The following ZBTB20 variants were observed in gnomAD, a reference collection of about 807,000 sequenced individuals.
ZBTB20 encodes the protein zinc finger and BTB domain containing 20.
Under a neutral mutation model 56.9 loss-of-function variants are expected in ZBTB20, and 9 were observed. The observed-to-expected ratio is 0.16, with a 90% CI of 0.10 to 0.28. The LOEUF (loss-of-function observed/expected upper bound fraction) is 0.28, where lower values mean the gene tolerates loss of function less well. Among genes scored for constraint, ZBTB20 ranks in the 10% least tolerant of loss-of-function variants. ZBTB20 has a pLI of 1.00. For missense variants in ZBTB20, 655 were observed against 1,003.0 expected (o/e 0.65, Z 4.69); for synonymous variants, 417 against 420.7 (o/e 0.99, Z 0.11).
chr3:115,011,383 TAA>T (rs893015595), intron 2 of ZBTB20, among the ~76,000 whole-genome samples: 2 of 151,596 alleles, frequency 1.3e-5, no homozygotes, highest in Non-Finnish European at 2.9e-5. Flanking sequence ...AGATCAAGGA[TAA>T]AAAAGGATCC....
At chr3:114,462,288 G>A (rs533217247) in intron 7 of ZBTB20, among the ~76,000 whole-genome samples, 156 of 152,284 alleles carry the variant, frequency 1.0e-3, no homozygotes, top group African/African-American at 3.7e-3. Flanking sequence ...AATAAAGGCT[G>A]GAAGTCTGTA....
intron 7 of ZBTB20, among the ~76,000 whole-genome samples, chr3:114,495,885 T>C (rs540976759): frequency 1.9e-4 from 29 of 152,346 alleles, no homozygotes; most frequent in African/African-American, 6.7e-4. Context: ...CTTTATAAAA[T>C]AGGCAAAGCC....
chr3:114,741,703 T>C (rs1237293227), intron 5 of ZBTB20, among the ~76,000 whole-genome samples: 2 of 148,892 alleles, frequency 1.3e-5, no homozygotes, highest in East Asian at 4.0e-4. Context: ...GGAAACCCCG[T>C]CTCTACTGAA....
chr3:114,990,726 G>A (rs1297606885), intron 2 of ZBTB20, among the ~76,000 whole-genome samples: 4 of 152,010 alleles, frequency 2.6e-5, no homozygotes, highest in Admixed American at 6.6e-5. Flanking sequence ...CTGTGGATCC[G>A]TCTGGTCCTG....
intron 1 of ZBTB20, among the ~76,000 whole-genome samples, chr3:115,105,603 C>T (rs2083697600): frequency 6.6e-6 from 1 of 152,086 alleles, no homozygotes; most frequent in African/African-American, 2.4e-5. Flanking sequence ...TCAATACGTT[C>T]AATTTAATGG....
chr3:114,689,567 A>G (rs1400485424), intron 6 of ZBTB20, among the ~76,000 whole-genome samples: 2 of 152,184 alleles, frequency 1.3e-5, no homozygotes, highest in African/African-American at 4.8e-5. Flanking sequence ...GAGGCCAAGC[A>G]TAAGGAAACC....
intron 6 of ZBTB20, among the ~76,000 whole-genome samples, chr3:114,537,114 G>A (rs949646592): frequency 6.6e-6 from 1 of 152,086 alleles, no homozygotes; most frequent in Non-Finnish European, 1.5e-5. Context: ...AAAAGCAATG[G>A]CAAAAAACCC....
intron 5 of ZBTB20, among the ~76,000 whole-genome samples, chr3:114,784,609 CTG>C (rs1223840340): frequency 1.3e-5 from 2 of 152,038 alleles, no homozygotes; most frequent in Admixed American, 1.3e-4. Context: ...TTTGAGTGCT[CTG>C]TGTTTAAGTT....
chr3:114,629,170 T>C (rs756897649), intron 6 of ZBTB20, among the ~76,000 whole-genome samples: 60 of 152,314 alleles, frequency 3.9e-4, no homozygotes, highest in Non-Finnish European at 8.2e-4. Flanking sequence ...AAATTTATTA[T>C]ATATATCACC....
chr3:114,718,875 A>G (rs140287469), intron 5 of ZBTB20, among the ~76,000 whole-genome samples: 219 of 152,032 alleles, frequency 1.4e-3, no homozygotes, highest in African/African-American at 4.7e-3. Context: ...CATAGTAGCA[A>G]AATTCCCAGA....
chr3:115,045,277 T>C (rs2081291793), intron 2 of ZBTB20, among the ~76,000 whole-genome samples: 1 of 152,204 alleles, frequency 6.6e-6, no homozygotes, highest in Non-Finnish European at 1.5e-5. Flanking sequence ...TATATGTTCC[T>C]ATTTATATCT....
At chr3:114,829,299 G>C (rs1028378049) in intron 4 of ZBTB20, among the ~76,000 whole-genome samples, 2 of 151,830 alleles carry the variant, frequency 1.3e-5, no homozygotes, top group African/African-American at 4.8e-5. Flanking sequence ...TCAATGAAGA[G>C]ATATAATTAT....
At chr3:115,013,345 G>C (rs1186730618) in intron 2 of ZBTB20, among the ~76,000 whole-genome samples, 1 of 151,540 alleles carries the variant, frequency 6.6e-6, no homozygotes, top group African/African-American at 2.4e-5. Context: ...AGATGTAAAA[G>C]GAGACATCAC....
chr3:115,003,417 TTTTGTTTGTTTTTTG>T (rs558586020), intron 2 of ZBTB20, among the ~76,000 whole-genome samples: 68 of 149,418 alleles, frequency 4.6e-4, no homozygotes, highest in Non-Finnish European at 6.9e-4. Flanking sequence ...CAGGTTTTTT[TTTTGTTTGTTTTTTG>T]TTTGTTTGTT....
rs1436480192 is a variant in ZBTB20 at position 114,781,344 on chromosome 3, C to A, written c.-343+19757G>T. On this transcript the variant is annotated intron_variant, in intron 5 of 11. Transcript: ENST00000675478. ...AAATCTTTTAGAACAGGGACTGGCACATAGTAATTAATAAATGTTAGCTGT... is the reference window on the plus strand; with the variant it reads ...AAATCTTTTAGAACAGGGACTGGCAAATAGTAATTAATAAATGTTAGCTGT... Among the ~76,000 whole-genome samples, 3 of 152,264 alleles carry A rather than the reference C, an allele frequency of 2.0e-5. No homozygotes were observed. The East Asian group carries it at 5.8e-4, about 29-fold the overall frequency.
At chr3:114,714,406 C>G (rs1215711703) in intron 5 of ZBTB20, among the ~76,000 whole-genome samples, 1 of 152,188 alleles carries the variant, frequency 6.6e-6, no homozygotes, top group East Asian at 1.9e-4. Context: ...CTCCATTAAA[C>G]TGGCTGAAGC....
rs1229757252 is a variant in ZBTB20 at position 114,729,956 on chromosome 3, A to ATTT, written c.-342-36384_-342-36382dup. Among the ~76,000 whole-genome samples the ATTT allele has an allele frequency of 1.0e-3, 122 of 119,420 alleles. 1 individual carries two copies. The highest frequency in any genetic ancestry group is 1.7e-3 in the African/African-American group (53 of 30,390). 78.3% of individuals were successfully genotyped at this position (119,420 alleles called of 152,430 possible). On this transcript the variant is annotated intron_variant, in intron 5 of 11. Transcript: ENST00000675478. ...GTAGCTGGGATCACACATCCGGCTA[A>ATTT]TTTTTTTTTTTTTTTTTTTTTTGTA...
chr3:114,507,367 TAGAAAGAGC>T (rs2044759046), intron 6 of ZBTB20, among the ~76,000 whole-genome samples: 3 of 152,090 alleles, frequency 2.0e-5, no homozygotes, highest in Admixed American at 6.6e-5. Context: ...CACTCAGGTA[TAGAAAGAGC>T]TATAGAAACA....
intron 5 of ZBTB20, among the ~76,000 whole-genome samples, chr3:114,736,818 C>G (rs1044594471): frequency 1.3e-5 from 2 of 152,076 alleles, no homozygotes; most frequent in African/African-American, 2.4e-5. Context: ...GAAACCCAAG[C>G]TTTATGAACA....
Sources: gnomAD v4.1 joint callset for allele counts (sites outside exome capture counted in the v4.1 genomes callset) on GRCh38, gnomAD v4.1.1 for gene constraint, MANE v1.5 for transcripts, NCBI Gene and HGNC (gene_info 2026-07-23, HGNC 2026-07-21) for gene names.